Variants in KIZ observed in about 807,000 individuals in gnomAD.
KIZ encodes the protein kizuna centrosomal protein.
Under a neutral mutation model 79.6 loss-of-function variants are expected in KIZ, and 68 were observed. That is an observed-to-expected ratio of 0.85 (90% confidence interval 0.70 to 1.05). KIZ has a LOEUF of 1.05. KIZ is among the 50% of genes least tolerant of loss of function. The pLI is 0.00. For missense variants in KIZ, 797 were observed against 800.4 expected, an observed-to-expected ratio of 1.00 and a Z score of 0.05; for synonymous variants, 280 against 281.8, an observed-to-expected ratio of 0.99 and a Z score of 0.06.
rs1194909407 is a variant in KIZ at position 21,162,157 on chromosome 20, A to T, written c.692A>T (p.Gln231Leu). ...AACATAGATGGAAAGGCATCTCTTC[A>T]GATTGGTGAGAAAATGCCAGTCACA... ...SDNIDGKASL[Q>L]IGEKMPVTAS... The change falls in exon 5 of 13, where the codon CAG becomes CTG. Residue 231 changes from glutamine to leucine, a missense_variant. Physicochemically the swap from Gln to Leu is moderately radical, Grantham distance 113. Transcript: ENST00000619189. 6.2e-7 allele frequency: 1 copy of T among 1,611,062 alleles called. No homozygotes were observed. Among genetic ancestry groups the T allele is most frequent in the East Asian group, 2.2e-5 (1 of 44,858 alleles).
At chr20:21,186,220 A>C (rs1016603351) in intron 6 of KIZ, among the ~76,000 whole-genome samples, 1 of 152,092 alleles carries the variant, frequency 6.6e-6, no homozygotes, top group Non-Finnish European at 1.5e-5. Flanking sequence ...GCCACCTTAA[A>C]CGTTGAAAAG....
chr20:21,203,002 A>T (rs773779810), intron 6 of KIZ, among the ~76,000 whole-genome samples: 2 of 152,184 alleles, frequency 1.3e-5, no homozygotes, highest in Non-Finnish European at 2.9e-5. Context: ...ATACTTATAC[A>T]TCTAACATAT....
intron 3 of KIZ, among the ~76,000 whole-genome samples, chr20:21,143,859 T>C (rs1378281891): frequency 6.6e-6 from 1 of 152,172 alleles, no homozygotes; most frequent in Non-Finnish European, 1.5e-5. Context: ...AGGTGTTGTA[T>C]GCAAAAATAA....
intron 3 of KIZ, among the ~76,000 whole-genome samples, chr20:21,140,476 A>G (rs2032454383): frequency 6.6e-6 from 1 of 152,216 alleles, no homozygotes; most frequent in Non-Finnish European, 1.5e-5. Context: ...CCAGTTCACT[A>G]TATAATGCTA....
chr20:21,193,136 G>T (rs911006354), intron 6 of KIZ, among the ~76,000 whole-genome samples: 1 of 152,000 alleles, frequency 6.6e-6, no homozygotes, highest in Non-Finnish European at 1.5e-5. Flanking sequence ...CTGTATTTTG[G>T]GATATCAGCT....
chr20:21,228,640 G>T (rs1272074265), intron 9 of KIZ, among the ~76,000 whole-genome samples: 3 of 152,154 alleles, frequency 2.0e-5, no homozygotes, highest in Non-Finnish European at 4.4e-5. Context: ...AGAGCAAAGA[G>T]AGTTTCTAAG....
intron 12 of KIZ, chr20:21,246,226 G>A: frequency 4.2e-6 from 2 of 475,516 alleles, no homozygotes; most frequent in South Asian, 5.9e-5. Flanking sequence ...AAAGAGTTGG[G>A]CACAACAGAA....
At chr20:21,180,820 T>A (rs1258870765) in intron 6 of KIZ, among the ~76,000 whole-genome samples, 2 of 152,130 alleles carry the variant, frequency 1.3e-5, no homozygotes, top group Non-Finnish European at 2.9e-5. Flanking sequence ...GCTCCAGATG[T>A]GAGTTTAGGA....
intron 6 of KIZ, among the ~76,000 whole-genome samples, chr20:21,184,808 G>A (rs1477959442): frequency 2.0e-5 from 3 of 152,164 alleles, no homozygotes; most frequent in Non-Finnish European, 2.9e-5. Flanking sequence ...TTGGGAGGCC[G>A]AGGTGGGAGG....
In KIZ at chr20:21,150,471, C is replaced by T. The variant is rs144679979; in HGVS notation, c.405+4817C>T. Among the ~76,000 whole-genome samples, 50 of 152,340 alleles carry T rather than the reference C, an allele frequency of 3.3e-4. No individual in the cohort carries two copies. In the East Asian group the frequency reaches 8.3e-3, roughly 25 times the overall value. On this transcript the variant is annotated intron_variant, in intron 4 of 12. Transcript: ENST00000619189. ...CGGGGGCTCTGAGCAGTTGCCTTCACGGGGAACGTGGCCCTCGGTTCTGCC... is the reference window on the plus strand; with the variant it reads ...CGGGGGCTCTGAGCAGTTGCCTTCATGGGGAACGTGGCCCTCGGTTCTGCC...
rs2035517984 is a variant in KIZ at position 21,199,864 on chromosome 20, G to A, written c.1353-5627G>A. Among the ~76,000 whole-genome samples, 3 of 152,138 alleles carry A rather than the reference G, an allele frequency of 2.0e-5. No individual in the cohort carries two copies. The South Asian group carries it at 6.2e-4, about 32-fold the overall frequency. The stretch of plus-strand genomic sequence containing the variant: ...GACAGAATCTTGCTCTGTCGCCCAG[G>A]CTGGAGTGCTGTGGAGTGATCTTGG... On this transcript the variant is annotated intron_variant, in intron 6 of 12. Coordinates refer to ENST00000619189, the MANE Select transcript of KIZ (RefSeq NM_018474.6).
chr20:21,149,512 C>T (rs575373965), intron 4 of KIZ, among the ~76,000 whole-genome samples: 7 of 152,336 alleles, frequency 4.6e-5, no homozygotes, highest in East Asian at 3.9e-4. Context: ...AAAGCCTGCA[C>T]GGCCACAGGA....
intron 6 of KIZ, among the ~76,000 whole-genome samples, chr20:21,185,589 T>G (rs1160620357): frequency 6.6e-6 from 1 of 151,700 alleles, no homozygotes; most frequent in Non-Finnish European, 1.5e-5. Flanking sequence ...TTTGTACTTT[T>G]AGTAGAGACA....
chr20:21,138,151 A>G (rs533914027), intron 3 of KIZ, among the ~76,000 whole-genome samples: 72 of 152,310 alleles, frequency 4.7e-4, no homozygotes, highest in African/African-American at 1.6e-3. Flanking sequence ...CTAGGAGCCA[A>G]CTAGGGCTCA....
At chr20:21,126,081 C>T (rs1288109275), upstream of KIZ, 1 of 1,495,234 alleles carries the variant, frequency 6.7e-7, no homozygotes, top group South Asian at 1.3e-5. Context: ...AACGGCCACC[C>T]AGAGGCTGTG....
At chr20:21,176,769 T>C (rs1299704898) in intron 6 of KIZ, among the ~76,000 whole-genome samples, 1 of 151,964 alleles carries the variant, frequency 6.6e-6, no homozygotes, top group East Asian at 1.9e-4. Context: ...AGATGGAAAT[T>C]ATAATAAAGA....
In KIZ at chr20:21,214,594, C is replaced by T; in HGVS notation, c.1506C>T (p.His502=). 1 of 1,613,050 alleles carries T rather than the reference C, an allele frequency of 6.2e-7. No individual in the cohort carries two copies. Among genetic ancestry groups the T allele is most frequent in the Non-Finnish European group, 8.5e-7 (1 of 1,179,166 alleles). ...TEECGRRSAI[H]SSESSCSLPS... Reference sequence around the variant, plus strand: ...AGTGTGGCCGTAGGTCAGCTATTCACAGTAGTGAATCATCTTGCAGCTTGC... The same window carrying T: ...AGTGTGGCCGTAGGTCAGCTATTCATAGTAGTGAATCATCTTGCAGCTTGC... The change falls in exon 8 of 13, where the codon CAC becomes CAT. Residue 502 remains histidine (H), a synonymous_variant. Transcript: ENST00000619189.
chr20:21,206,800 G>A (rs939215469), intron 7 of KIZ, among the ~76,000 whole-genome samples: 5 of 152,162 alleles, frequency 3.3e-5, no homozygotes, highest in African/African-American at 4.8e-5. Flanking sequence ...CCTGGTTCAG[G>A]CAAGAGGAGG....
intron 4 of KIZ, among the ~76,000 whole-genome samples, chr20:21,157,928 C>T (rs148108855): frequency 0.01 from 1,595 of 152,268 alleles, 29 homozygotes; most frequent in Non-Finnish European, 0.012. Flanking sequence ...TCTCAGACTC[C>T]TAAGTCTGAT....
Sources: allele counts gnomAD v4.1 joint callset (sites outside exome capture counted in the v4.1 genomes callset), GRCh38; gene constraint gnomAD v4.1.1; transcripts MANE v1.5; gene names NCBI Gene and HGNC (gene_info 2026-07-23, HGNC 2026-07-21).